ENTPD1: variants seen among roughly 807,000 people sequenced by gnomAD.
ENTPD1 encodes the protein ectonucleoside triphosphate diphosphohydrolase 1.
A neutral mutation model predicts 57.0 loss-of-function variants in ENTPD1; 33 were observed. The ratio of observed to expected loss-of-function variants is 0.58; its 90% CI spans 0.44 to 0.77. The LOEUF (loss-of-function observed/expected upper bound fraction) is 0.77, where lower values mean the gene tolerates loss of function less well. Ranked by LOEUF, ENTPD1 falls within the 30% of genes least tolerant of loss-of-function variation. The pLI, the probability that ENTPD1 is intolerant of heterozygous loss-of-function variation, is 0.00. For missense variants in ENTPD1, 501 were observed against 603.4 expected, an observed-to-expected ratio of 0.83 and a Z score of 1.78; for synonymous variants, 202 against 218.8, an observed-to-expected ratio of 0.92 and a Z score of 0.68.
chr10:95,705,177 G>A, the ENTPD1 span, among the ~76,000 whole-genome samples: 1 of 151,848 alleles, frequency 6.6e-6, no homozygotes. Flanking sequence ...GTATAAATTG[G>A]GGCTACCATT....
At chr10:95,828,176 G>A (rs2098384229) in intron 2 of ENTPD1, among the ~76,000 whole-genome samples, 1 of 152,170 alleles carries the variant, frequency 6.6e-6, no homozygotes. Context: ...TACTGCCTGA[G>A]CTCCATCTCC....
At chr10:95,788,828 A>T (rs527989973) in intron 1 of ENTPD1, among the ~76,000 whole-genome samples, 1 of 152,300 alleles carries the variant, frequency 6.6e-6, no homozygotes, top group African/African-American at 2.4e-5. Context: ...AAAAATCTCT[A>T]TGGTAACTAT....
chr10:95,748,150 G>A (rs2098008071), intron 1 of ENTPD1, among the ~76,000 whole-genome samples: 1 of 152,182 alleles, frequency 6.6e-6, no homozygotes, highest in African/African-American at 2.4e-5. Flanking sequence ...TGGGATTACA[G>A]GCGTGAGCCA....
At chr10:95,794,203 A>G (rs2098217092) in intron 1 of ENTPD1, among the ~76,000 whole-genome samples, 1 of 152,134 alleles carries the variant, frequency 6.6e-6, no homozygotes, top group East Asian at 1.9e-4. Context: ...TTTTATTATT[A>G]TTATTTTTTA....
intron 7 of ENTPD1, among the ~76,000 whole-genome samples, chr10:95,848,488 G>A (rs771850295): frequency 6.6e-6 from 1 of 151,986 alleles, no homozygotes; most frequent in African/African-American, 2.4e-5. Flanking sequence ...GTGGCCCCAG[G>A]AACTGTCTCA....
chr10:95,832,622 C>G (rs1169732732), intron 2 of ENTPD1, among the ~76,000 whole-genome samples: 2 of 152,162 alleles, frequency 1.3e-5, no homozygotes, highest in Non-Finnish European at 2.9e-5. Flanking sequence ...CACACAAGCA[C>G]CAGACTGACC....
chr10:95,831,574 C>T (rs1344268828), intron 2 of ENTPD1, among the ~76,000 whole-genome samples: 4 of 152,242 alleles, frequency 2.6e-5, no homozygotes, highest in African/African-American at 9.6e-5. Flanking sequence ...TTGCAGCTTA[C>T]CTGCCTTAGT....
intron 1 of ENTPD1, among the ~76,000 whole-genome samples, chr10:95,742,427 C>T (rs2098001346): frequency 6.6e-6 from 1 of 152,020 alleles, no homozygotes; most frequent in South Asian, 2.1e-4. Context: ...TGTCCTCCCC[C>T]TAGAGTTGCT....
At chr10:95,745,027 G>A (rs1413710346) in intron 1 of ENTPD1, among the ~76,000 whole-genome samples, 2 of 152,002 alleles carry the variant, frequency 1.3e-5, no homozygotes, top group Admixed American at 6.6e-5. Context: ...AAGTTTTGGA[G>A]CTCTAATAAG....
chr10:95,743,997 CATATATATATATATATATATATATAT>C (rs57187898), intron 1 of ENTPD1, among the ~76,000 whole-genome samples: 29 of 80,998 alleles, frequency 3.6e-4, no homozygotes, highest in East Asian at 9.1e-4. Context: ...TATTTTAAAC[CATATATATATATATATATATATATAT>C]ATATATATAT....
chr10:95,870,162 AG>A lies in ENTPD1; in HGVS notation c.*3782del. ...TGCCTTCCCATGAAGATGTGAAGGC[AG>A]GGATGCCTGTTATTCAGTCCAAGAT... is the stretch of plus-strand genomic sequence containing the variant. On this transcript the variant is annotated 3_prime_UTR_variant, in exon 10 of 10. Coordinates refer to ENST00000371205, the MANE Select transcript of ENTPD1 (RefSeq NM_001776.6). 1 of 985,476 alleles carries A rather than the reference AG, an allele frequency of 1.0e-6. No individual in the cohort carries two copies. Among genetic ancestry groups the A allele is most frequent in the Non-Finnish European group, 1.2e-6 (1 of 829,942 alleles). 61.0% of individuals were successfully genotyped at this position (985,476 alleles called of 1,614,324 possible).
intron 1 of ENTPD1, among the ~76,000 whole-genome samples, chr10:95,769,966 T>A (rs1205592905): frequency 6.6e-6 from 1 of 152,132 alleles, no homozygotes; most frequent in African/African-American, 2.4e-5. Context: ...GGTGTGTTAA[T>A]GTTCCGATGC....
chr10:95,735,934 C>T (rs1015542606), intron 1 of ENTPD1, among the ~76,000 whole-genome samples: 4 of 151,404 alleles, frequency 2.6e-5, no homozygotes, highest in Admixed American at 6.6e-5. Context: ...CCTGTTTTAG[C>T]TGAACAATGA....
chr10:95,823,148 G>A, intron 1 of ENTPD1, 89 bp from the exon 2 acceptor site: 1 of 1,518,366 alleles, frequency 6.6e-7, no homozygotes, highest in Non-Finnish European at 9.1e-7. Flanking sequence ...ATGTCTCCAG[G>A]TAGCCATTAC....
At chr10:95,855,713 C>T (rs1157155739) in intron 7 of ENTPD1, among the ~76,000 whole-genome samples, 7 of 152,124 alleles carry the variant, frequency 4.6e-5, no homozygotes, top group Admixed American at 4.6e-4. Context: ...GTTGGCTGGA[C>T]ATGAAATTCT....
intron 9 of ENTPD1, among the ~76,000 whole-genome samples, chr10:95,865,866 T>A (rs1029880099): frequency 6.6e-6 from 1 of 152,014 alleles, no homozygotes; most frequent in African/African-American, 2.4e-5. Flanking sequence ...CTCCTGGGAT[T>A]AAATGATCCT....
intron 2 of ENTPD1, among the ~76,000 whole-genome samples, chr10:95,825,537 T>TG (rs1257598320): frequency 1.3e-5 from 2 of 152,172 alleles, no homozygotes; most frequent in Non-Finnish European, 2.9e-5. Flanking sequence ...GATACATGTT[T>TG]TTTGTTTGTT....
At chr10:95,794,344 G>A (rs901084487) in intron 1 of ENTPD1, among the ~76,000 whole-genome samples, 3 of 152,024 alleles carry the variant, frequency 2.0e-5, no homozygotes, top group East Asian at 3.8e-4. Context: ...GCCATTTATC[G>A]AGTGCCTACT....
intron 1 of ENTPD1, among the ~76,000 whole-genome samples, chr10:95,820,837 A>T (rs1377746346): frequency 2.6e-5 from 4 of 152,236 alleles, no homozygotes; most frequent in Non-Finnish European, 5.9e-5. Flanking sequence ...TAAATTCCAA[A>T]GAGCAGGGGC....
Sources: allele counts gnomAD v4.1 joint callset (sites outside exome capture counted in the v4.1 genomes callset), GRCh38; gene constraint gnomAD v4.1.1; transcripts MANE v1.5; gene names NCBI Gene and HGNC (gene_info 2026-07-23, HGNC 2026-07-21).